Variants in SERPINB7 observed in about 807,000 individuals in gnomAD.
SERPINB7 encodes serpin family B member 7, also known as serpin B7.
Under a neutral mutation model 37.4 loss-of-function variants are expected in SERPINB7, and 31 were observed. The ratio of observed to expected loss-of-function variants is 0.83; its 90% CI spans 0.62 to 1.12. The LOEUF (loss-of-function observed/expected upper bound fraction) is 1.12. Among genes scored for constraint, SERPINB7 ranks in the 50% most tolerant of loss-of-function variants. The pLI, the probability that SERPINB7 is intolerant of heterozygous loss-of-function variation, is 0.00. For synonymous variants in SERPINB7, 163 were observed against 166.1 expected (o/e 0.98, Z 0.14); for missense variants, 521 against 455.3 (o/e 1.14, Z -1.31).
At chr18:63,782,642 A>G in intron 2 of SERPINB7, 102 bp downstream of exon 2, 1 of 1,112,978 alleles carries the variant, frequency 9.0e-7, no homozygotes, top group Admixed American at 2.1e-5. Context: ...ATCATGAGGC[A>G]CAAGGTGTCA....
At chr18:63,792,944 T>G (rs2049444439) in intron 3 of SERPINB7, among the ~76,000 whole-genome samples, 1 of 152,200 alleles carries the variant, frequency 6.6e-6, no homozygotes, top group African/African-American at 2.4e-5. Context: ...CTGTTAACAA[T>G]TTTAAGTCCA....
At chr18:63,786,907 T>C (rs553344676) in intron 2 of SERPINB7, among the ~76,000 whole-genome samples, 2 of 152,322 alleles carry the variant, frequency 1.3e-5, no homozygotes, top group East Asian at 3.9e-4. Context: ...TACTGTAGGT[T>C]GAATATCCCT....
chr18:63,804,539 C>G lies in SERPINB7; in HGVS notation c.1047C>G (p.Leu349=). ...ATGSNIVEKQ[L]PQSTLFRADH... is the part of the protein sequence containing the mutation. ...GAAGTAATATTGTAGAAAAGCAACTCCCTCAGTCCACGCTGTTTAGAGCTG... is the reference window on the plus strand; with the variant it reads ...GAAGTAATATTGTAGAAAAGCAACTGCCTCAGTCCACGCTGTTTAGAGCTG... The change falls in exon 8 of 8, where the codon CTC becomes CTG. Residue 349 remains leucine (L), a synonymous_variant. Transcript: ENST00000398019. 6.2e-7 allele frequency: 1 copy of G among 1,613,806 alleles called. No individual in the cohort carries two copies. The highest frequency in any genetic ancestry group is 8.5e-7 in the Non-Finnish European group (1 of 1,179,882).
At chr18:63,786,805 C>A (rs1261001757) in intron 2 of SERPINB7, among the ~76,000 whole-genome samples, 1 of 151,938 alleles carries the variant, frequency 6.6e-6, no homozygotes, top group Non-Finnish European at 1.5e-5. Flanking sequence ...GATAGAAACA[C>A]CAAAGAATTA....
intron 1 of SERPINB7, among the ~76,000 whole-genome samples, chr18:63,760,275 A>G (rs1044888114): frequency 4.6e-5 from 7 of 152,180 alleles, no homozygotes; most frequent in Admixed American, 1.3e-4. Context: ...CCCCTGCCCT[A>G]GAGATTTGTG....
chr18:63,769,391 A>G (rs941077172), intron 1 of SERPINB7, among the ~76,000 whole-genome samples: 6 of 152,116 alleles, frequency 3.9e-5, no homozygotes, highest in African/African-American at 9.7e-5. Flanking sequence ...ACCACTTGTT[A>G]GAGACTTTTT....
chr18:63,798,277 C>T (rs771296288), intron 5 of SERPINB7, among the ~76,000 whole-genome samples: 1 of 152,072 alleles, frequency 6.6e-6, no homozygotes, highest in Middle Eastern at 3.2e-3. Flanking sequence ...GAGCAGGGAC[C>T]CTGGGGTTGT....
upstream of SERPINB7, among the ~76,000 whole-genome samples, chr18:63,771,591 T>C (rs1030343532): frequency 5.9e-5 from 9 of 152,116 alleles, no homozygotes; most frequent in Non-Finnish European, 1.0e-4. Context: ...TACATGCTAT[T>C]GCAACCTCTG....
chr18:63,786,244 A>T (rs11872721), intron 2 of SERPINB7, among the ~76,000 whole-genome samples: 3,046 of 137,758 alleles, frequency 0.022, 432 homozygotes, highest in African/African-American at 0.088. Flanking sequence ...ACACACACAC[A>T]CATCCACACA....
chr18:63,803,525 G>A (rs2049572069), intron 7 of SERPINB7, among the ~76,000 whole-genome samples: 1 of 152,154 alleles, frequency 6.6e-6, no homozygotes, highest in South Asian at 2.1e-4. Flanking sequence ...TCAAGAGCTG[G>A]TGAATTGGCT....
intron 1 of SERPINB7, among the ~76,000 whole-genome samples, chr18:63,753,461 GACCCCTAAGCTTATACAAGAT>G (rs2049103557): frequency 6.6e-6 from 1 of 152,088 alleles, no homozygotes; most frequent in Non-Finnish European, 1.5e-5. Context: ...CGGCTGAATA[GACCCCTAAGCTTATACAAGAT>G]AGCTCATACA....
intron 1 of SERPINB7, among the ~76,000 whole-genome samples, chr18:63,763,556 T>G (rs939436968): frequency 2.6e-5 from 4 of 152,224 alleles, no homozygotes; most frequent in African/African-American, 9.6e-5. Flanking sequence ...AATTTGGTAG[T>G]GGTCAAATTC....
At chr18:63,756,293 C>T (rs1013722231) in intron 1 of SERPINB7, among the ~76,000 whole-genome samples, 5 of 152,156 alleles carry the variant, frequency 3.3e-5, no homozygotes, top group East Asian at 1.9e-4. Context: ...AAATTGTAAA[C>T]TCTACCATGT....
intron 6 of SERPINB7, 95 bp downstream of exon 6, chr18:63,798,841 G>A (rs1362733521): frequency 3.2e-5 from 41 of 1,283,946 alleles, no homozygotes; most frequent in Non-Finnish European, 1.4e-5. Context: ...TAGGTTCACC[G>A]TTTTAAACCC....
chr18:63,779,744 A>C (rs900264572), intron 1 of SERPINB7, among the ~76,000 whole-genome samples: 10 of 152,082 alleles, frequency 6.6e-5, no homozygotes, highest in African/African-American at 2.4e-4. Context: ...TTTGTTCAAT[A>C]AGATTATAAT....
rs55993219 is a variant in SERPINB7 at position 63,786,231 on chromosome 18, T to C, written c.168+3691T>C. Among the ~76,000 whole-genome samples the C allele has an allele frequency of 1.2e-3, 125 of 101,878 alleles. 5 individuals carry two copies. Among genetic ancestry groups the C allele is most frequent in the Admixed American group, 4.2e-3 (37 of 8,800 alleles). The allele number at this position is 101,878 out of a possible 152,430, so 66.8% of individuals were successfully genotyped here. The stretch of plus-strand genomic sequence containing the variant: ...ACGTGTATATATATATATATATATA[T>C]ATACACACACACACATCCACACATT... On this transcript the variant is annotated intron_variant, in intron 2 of 7. Transcript: ENST00000398019.
chr18:63,767,908 C>T (rs1302039069), intron 1 of SERPINB7, among the ~76,000 whole-genome samples: 1 of 151,970 alleles, frequency 6.6e-6, no homozygotes, highest in Non-Finnish European at 1.5e-5. Flanking sequence ...TGAGATTTTC[C>T]ACAGCTTTGG....
At chr18:63,753,637 G>A (rs1459625800) in intron 1 of SERPINB7, among the ~76,000 whole-genome samples, 1 of 152,170 alleles carries the variant, frequency 6.6e-6, no homozygotes, top group African/African-American at 2.4e-5. Flanking sequence ...CAGGTGACAA[G>A]TTACATGCCA....
intron 1 of SERPINB7, among the ~76,000 whole-genome samples, chr18:63,776,570 T>C (rs956107234): frequency 6.6e-6 from 1 of 150,894 alleles, no homozygotes; most frequent in Non-Finnish European, 1.5e-5. Flanking sequence ...AGAAACCTTC[T>C]TGTGTGCCTT....
Sources: allele counts gnomAD v4.1 joint callset (sites outside exome capture counted in the v4.1 genomes callset), GRCh38; gene constraint gnomAD v4.1.1; transcripts MANE v1.5; gene names NCBI Gene and HGNC (gene_info 2026-07-23, HGNC 2026-07-21).